Variants in NR6A1 observed in about 807,000 individuals in gnomAD.
NR6A1 encodes the protein nuclear receptor subfamily 6 group A member 1, also known as retinoic acid receptor-related testis-associated receptor.
A neutral mutation model predicts 59.1 loss-of-function variants in NR6A1; 7 were observed. The ratio of observed to expected loss-of-function variants is 0.12; its 90% confidence interval spans 0.07 to 0.22. The LOEUF (loss-of-function observed/expected upper bound fraction) is 0.22, where lower values mean the gene tolerates loss of function less well. Ranked by LOEUF, NR6A1 falls within the 10% of genes least tolerant of loss-of-function variation. The probability of loss-of-function intolerance (pLI) is 1.00; values close to 1 mark genes in which losing one functional copy is unlikely to be tolerated. For missense variants in NR6A1, 468 were observed against 611.6 expected, an observed-to-expected ratio of 0.77 and a Z score of 2.48; for synonymous variants, 243 against 236.1, an observed-to-expected ratio of 1.03 and a Z score of -0.27.
intron 2 of NR6A1, among the ~76,000 whole-genome samples, chr9:124,657,162 A>G (rs1203428313): frequency 3.9e-5 from 6 of 152,208 alleles, no homozygotes; most frequent in South Asian, 4.1e-4. Context: ...GAACATTCTT[A>G]TATCTAATAG....
At chr9:124,585,960 C>A (rs909438073) in intron 2 of NR6A1, among the ~76,000 whole-genome samples, 14 of 152,190 alleles carry the variant, frequency 9.2e-5, no homozygotes, top group Admixed American at 1.3e-4. Context: ...TTGAGACCTA[C>A]TGCTCAGAAA....
intron 2 of NR6A1, among the ~76,000 whole-genome samples, chr9:124,674,680 A>G (rs1246347599): frequency 6.6e-6 from 1 of 152,184 alleles, no homozygotes. Flanking sequence ...AAGCAACTTA[A>G]TATTTTTCTT....
intron 2 of NR6A1, among the ~76,000 whole-genome samples, chr9:124,609,212 C>A (rs924847997): frequency 6.6e-6 from 1 of 152,078 alleles, no homozygotes; most frequent in Non-Finnish European, 1.5e-5. Flanking sequence ...GTCCTGCCTA[C>A]GTTTTCACCT....
chr9:124,656,687 C>T (rs1380255151), intron 2 of NR6A1, among the ~76,000 whole-genome samples: 2 of 152,028 alleles, frequency 1.3e-5, no homozygotes, highest in East Asian at 3.9e-4. Context: ...CAAAAACTAG[C>T]CAGGCGTGGT....
At chr9:124,633,197 G>A (rs563756015) in intron 2 of NR6A1, among the ~76,000 whole-genome samples, 1 of 152,138 alleles carries the variant, frequency 6.6e-6, no homozygotes, top group Admixed American at 6.5e-5. Context: ...CAGGTCAGGA[G>A]ATCGAGACCA....
intron 2 of NR6A1, among the ~76,000 whole-genome samples, chr9:124,633,398 G>C (rs867147291): frequency 1.1e-5 from 1 of 90,228 alleles, no homozygotes; most frequent in Admixed American, 1.5e-4. Context: ...GCGAAACTCC[G>C]TCTCAAAAAA....
chr9:124,603,874 T>C (rs193149256), intron 2 of NR6A1, among the ~76,000 whole-genome samples: 4 of 152,298 alleles, frequency 2.6e-5, no homozygotes, highest in Admixed American at 2.6e-4. Flanking sequence ...CAGCAAATCT[T>C]ACCCATACAC....
rs183132188 is a variant in NR6A1, at chr9:124,528,979, C to T, written c.1080-2079G>A. Among the ~76,000 whole-genome samples, 19 of 152,310 alleles carry T rather than the reference C, an allele frequency of 1.2e-4. No homozygotes were observed. In the East Asian group the frequency reaches 2.7e-3, roughly 22 times the overall value. ...TTGGCATCCATGGGGGTCCTGGAAGCAATCCTCCACGGATACTGGAGATGA... is the reference window on the plus strand; with the variant it reads ...TTGGCATCCATGGGGGTCCTGGAAGTAATCCTCCACGGATACTGGAGATGA... On this transcript the variant is annotated intron_variant, in intron 7 of 9. Coordinates refer to ENST00000487099, the MANE Select transcript of NR6A1 (RefSeq NM_033334.4).
intron 2 of NR6A1, among the ~76,000 whole-genome samples, chr9:124,731,882 T>C (rs1440917715): frequency 6.6e-6 from 1 of 152,136 alleles, no homozygotes; most frequent in Non-Finnish European, 1.5e-5. Flanking sequence ...GAGTCAAAAG[T>C]TATAAGTGGA....
intron 2 of NR6A1, among the ~76,000 whole-genome samples, chr9:124,588,842 C>G (rs1242424531): frequency 6.7e-6 from 1 of 149,216 alleles, no homozygotes; most frequent in African/African-American, 2.5e-5. Context: ...ATGGCGCGAA[C>G]CCGGGAAGCA....
At chr9:124,533,491 A>G (rs956097661) in intron 7 of NR6A1, among the ~76,000 whole-genome samples, 5 of 152,102 alleles carry the variant, frequency 3.3e-5, no homozygotes, top group Non-Finnish European at 7.4e-5. Flanking sequence ...TCCCTCCCCT[A>G]GCTGTGCAAA....
At chr9:124,726,345 C>T (rs919348924) in intron 2 of NR6A1, among the ~76,000 whole-genome samples, 2 of 152,224 alleles carry the variant, frequency 1.3e-5, no homozygotes, top group African/African-American at 4.8e-5. Context: ...CTCTAGCCTA[C>T]ATTAGCATAT....
At chr9:124,621,283 T>C (rs1312667502) in intron 2 of NR6A1, among the ~76,000 whole-genome samples, 3 of 152,212 alleles carry the variant, frequency 2.0e-5, no homozygotes, top group East Asian at 3.8e-4. Context: ...TGGATATGCA[T>C]AGATTCCCTG....
chr9:124,553,205 A>T (rs1177245427), intron 3 of NR6A1, among the ~76,000 whole-genome samples: 1 of 152,190 alleles, frequency 6.6e-6, no homozygotes, highest in African/African-American at 2.4e-5. Context: ...TTTCTGCTGA[A>T]TGACACTGCT....
At chr9:124,747,796 T>G (rs1588850896) in intron 1 of NR6A1, among the ~76,000 whole-genome samples, 1 of 152,128 alleles carries the variant, frequency 6.6e-6, no homozygotes, top group African/African-American at 2.4e-5. Context: ...CAGGACATTT[T>G]CATTCTCTCT....
chr9:124,638,214 C>G (rs1012981702), intron 2 of NR6A1, among the ~76,000 whole-genome samples: 3 of 151,768 alleles, frequency 2.0e-5, no homozygotes, highest in Non-Finnish European at 2.9e-5. Flanking sequence ...TATGATCACA[C>G]CACTGCACTC....
chr9:124,762,239 T>A (rs1229565774), intron 1 of NR6A1, among the ~76,000 whole-genome samples: 1 of 152,208 alleles, frequency 6.6e-6, no homozygotes, highest in Non-Finnish European at 1.5e-5. Flanking sequence ...ATATTTATCA[T>A]ACTGGAAAAT....
chr9:124,703,201 G>A (rs916946197), intron 2 of NR6A1, among the ~76,000 whole-genome samples: 3 of 140,464 alleles, frequency 2.1e-5, no homozygotes, highest in Non-Finnish European at 3.1e-5. Context: ...CACCACACAC[G>A]GCCACATTTT....
intron 2 of NR6A1, among the ~76,000 whole-genome samples, chr9:124,619,276 T>G (rs1290234207): frequency 8.5e-5 from 13 of 152,092 alleles, no homozygotes; most frequent in Non-Finnish European, 4.4e-5. Flanking sequence ...AAAAAAAATT[T>G]TTTTTGAGAC....
Sources: allele counts gnomAD v4.1 joint callset (sites outside exome capture counted in the v4.1 genomes callset), GRCh38; gene constraint gnomAD v4.1.1; transcripts MANE v1.5; gene names NCBI Gene and HGNC (gene_info 2026-07-23, HGNC 2026-07-21).